OTX2: variants seen among roughly 807,000 people sequenced by gnomAD.
OTX2 encodes the protein homeobox protein OTX2.
OTX2 carries 4 observed loss-of-function variants against 29.0 expected under a neutral mutation model. That is an observed-to-expected ratio of 0.14 (90% CI 0.07 to 0.32). The LOEUF (loss-of-function observed/expected upper bound fraction) is 0.32, where lower values mean the gene tolerates loss of function less well. Among genes scored for constraint, OTX2 ranks in the 10% least tolerant of loss-of-function variants. The probability of loss-of-function intolerance (pLI) is 1.00; values close to 1 mark genes in which losing one functional copy is unlikely to be tolerated. For synonymous variants in OTX2, 134 were observed against 141.0 expected (o/e 0.95, Z 0.35); for missense variants, 298 against 365.9 (o/e 0.81, Z 1.51).
chr14:56,804,297 C>A lies in OTX2; in HGVS notation c.164G>T (p.Arg55Leu). Residue 55 changes from arginine to leucine, a missense_variant, in exon 4 of 5, where the codon CGG becomes CTG. Physicochemically the swap from Arg to Leu is moderately radical, Grantham distance 102. Coordinates refer to ENST00000672264, the MANE Select transcript of OTX2 (RefSeq NM_021728.4). This position sits in a 1 kb window ranked among gnomAD's most constrained non-coding sequence, Gnocchi z 4.1. ...KQRRERTTFT[R>L]AQLDVLEALF... is the part of the protein sequence containing the mutation. ...TGCTTCCAGCACATCTAGCTGCGCCCGAGTGAACGTCGTCCTCTCCCGGCG... is the reference window on the plus strand; with the variant it reads ...TGCTTCCAGCACATCTAGCTGCGCCAGAGTGAACGTCGTCCTCTCCCGGCG... 1 of 1,614,148 alleles carries A rather than the reference C, an allele frequency of 6.2e-7. No homozygotes were observed. The highest frequency in any genetic ancestry group is 8.5e-7 in the Non-Finnish European group (1 of 1,180,040).
At position 56,800,523 on chromosome 14, in the gene OTX2, TC is replaced by T. The variant is rs1318620147; in HGVS notation, c.*1211del. ...AATTTCAGAGCAATCCTGATGAAAG[TC>T]ACAAAAAGTCTACCTACCACTGTCA... is the stretch of plus-strand genomic sequence containing the variant. On this transcript the variant is annotated 3_prime_UTR_variant, in exon 5 of 5. Transcript: ENST00000672264. 2 of 152,064 alleles carry T rather than the reference TC, an allele frequency of 1.3e-5. No homozygotes were observed. Among genetic ancestry groups the T allele is most frequent in the African/African-American group, 4.8e-5 (2 of 41,400 alleles). The allele number at this position is 152,064 out of a possible 1,614,324, so 9.4% of individuals were successfully genotyped here.
intron 2 of OTX2, among the ~76,000 whole-genome samples, chr14:56,809,404 G>C (rs1021338479): frequency 6.6e-6 from 1 of 152,062 alleles, no homozygotes; most frequent in Non-Finnish European, 1.5e-5. Flanking sequence ...TTGGATTTTG[G>C]GGGGTGGTGG....
chr14:56,805,683 C>G (rs1431587189), intron 2 of OTX2, 108 bp from the exon 3 acceptor site: 3 of 542,136 alleles, frequency 5.5e-6, no homozygotes, highest in Non-Finnish European at 6.7e-6. Context: ...CTAGGCGAGG[C>G]AGAGGCTTTT....
At chr14:56,805,770 G>T in intron 2 of OTX2, 195 bp from the exon 3 acceptor site, 2 of 270,292 alleles carry the variant, frequency 7.4e-6, no homozygotes, top group Non-Finnish European at 1.3e-5. Flanking sequence ...GGGGATGGAA[G>T]GAGACCAGAT....
chr14:56,802,000 C>A lies in OTX2; in HGVS notation c.629G>T (p.Gly210Val). Reference sequence around the variant, plus strand: ...GTGATGCATAGGGGTCAAATATGATCCACAGTCCATGCCCCCAAAGTAGGA... The same window carrying A: ...GTGATGCATAGGGGTCAAATATGATACACAGTCCATGCCCCCAAAGTAGGA... ...STSYFGGMDCGSYLTPMHHQL... is the reference protein window; with the variant it reads ...STSYFGGMDCVSYLTPMHHQL... Residue 210 changes from glycine (G) to valine (V), a missense_variant, in exon 5 of 5, where the codon GGA becomes GTA. Around this residue, in one of 3 missense-constraint regions of OTX2, gnomAD observed 219 missense variants for 223.5 expected, o/e 0.98. Transcript: ENST00000672264. The surrounding 1 kb of genome is among the most constrained non-coding windows in gnomAD (Gnocchi z 4.2). The A allele has an allele frequency of 6.2e-7, 1 of 1,614,166 alleles. No homozygotes were observed. Among genetic ancestry groups the A allele is most frequent in the Non-Finnish European group, 8.5e-7 (1 of 1,180,038 alleles).
intron 2 of OTX2, among the ~76,000 whole-genome samples, chr14:56,807,863 C>G (rs1219531215): frequency 6.6e-6 from 1 of 152,206 alleles, no homozygotes; most frequent in East Asian, 1.9e-4. Context: ...GAGGTGGCCT[C>G]TGGAGAACTC....
Position 56,804,506 on chromosome 14 carries a change from G to T in OTX2, c.98-143C>A. 1 of 764,102 alleles carries T rather than the reference G, an allele frequency of 1.3e-6. No homozygotes were observed. Among genetic ancestry groups the T allele is most frequent in the Non-Finnish European group, 2.1e-6 (1 of 485,580 alleles). 47.3% of individuals were successfully genotyped at this position (764,102 alleles called of 1,614,324 possible). ...CAATGCTCTCCCCACCGTCTCCCCA[G>T]CCTTGCTCCCCGGGGACCCAGGACA... On this transcript the variant is annotated intron_variant, in intron 3 of 4. Coordinates refer to ENST00000672264, the MANE Select transcript of OTX2 (RefSeq NM_021728.4). The surrounding 1 kb of genome is among the most constrained non-coding windows in gnomAD (Gnocchi z 4.1).
At chr14:56,808,125 T>A (rs1220132731) in intron 2 of OTX2, among the ~76,000 whole-genome samples, 3 of 151,984 alleles carry the variant, frequency 2.0e-5, no homozygotes, top group Non-Finnish European at 4.4e-5. Context: ...TTGTTTTTTT[T>A]TTCTTCCAAG....
intron 2 of OTX2, among the ~76,000 whole-genome samples, chr14:56,807,014 G>A (rs912986153): frequency 2.0e-5 from 3 of 152,104 alleles, no homozygotes; most frequent in East Asian, 1.9e-4. Context: ...CGTTGCTTAA[G>A]ACAGCAAGGC....
chr14:56,805,338 G>GA (rs1594955754), intron 3 of OTX2, 22 bp downstream of exon 3: 1 of 1,513,140 alleles, frequency 6.6e-7, no homozygotes, highest in African/African-American at 1.4e-5. Flanking sequence ...AGGGGTGCGG[G>GA]AGTGCAGCAG....
Position 56,800,384 on chromosome 14 carries a change from A to C in OTX2, c.*1351T>G, listed in dbSNP as rs1297080574. 6.6e-6 allele frequency: 1 copy of C among 152,086 alleles called. No individual in the cohort carries two copies. Among genetic ancestry groups the C allele is most frequent in the African/African-American group, 2.4e-5 (1 of 41,414 alleles). The allele number at this position is 152,086 out of a possible 1,614,324, so 9.4% of individuals were successfully genotyped here. A position where few individuals can be genotyped will look rare whatever the true frequency, so the allele number is the denominator to read the frequency against. Reference sequence around the variant, plus strand: ...ACTCCAATTCTCCTCCTCCCTCTTAAAAACTTGATATATTTTAAAACATTC... The same window carrying C: ...ACTCCAATTCTCCTCCTCCCTCTTACAAACTTGATATATTTTAAAACATTC... On this transcript the variant is annotated 3_prime_UTR_variant, in exon 5 of 5. Transcript: ENST00000672264.
chr14:56,805,646 C>T (rs1892063482), intron 2 of OTX2, 71 bp from the exon 3 acceptor site: 2 of 615,266 alleles, frequency 3.3e-6, no homozygotes, highest in South Asian at 3.6e-5. Flanking sequence ...CTTCCACGTT[C>T]CAGCACTAAC....
At position 56,802,497 on chromosome 14, in the gene OTX2, T is replaced by C; in HGVS notation, c.274-142A>G. ...CTGCCACTGAAGACCTATTATGTGG[T>C]ACTCTCATATAAACTCCTGGACTTG... On this transcript the variant is annotated intron_variant, in intron 4 of 4. Coordinates refer to ENST00000672264, the MANE Select transcript of OTX2 (RefSeq NM_021728.4). The surrounding 1 kb of genome is among the most constrained non-coding windows in gnomAD (Gnocchi z 4.4). 1.1e-6 allele frequency: 1 copy of C among 926,138 alleles called. No homozygotes were observed. The highest frequency in any genetic ancestry group is 1.7e-6 in the Non-Finnish European group (1 of 574,032). The allele number at this position is 926,138 out of a possible 1,614,324, so 57.4% of individuals were successfully genotyped here. A position where few individuals can be genotyped will look rare whatever the true frequency, so the allele number is the denominator to read the frequency against.
intron 4 of OTX2, among the ~76,000 whole-genome samples, chr14:56,803,384 G>A (rs984009717): frequency 3.9e-5 from 6 of 152,222 alleles, no homozygotes; most frequent in African/African-American, 1.2e-4. Context: ...CCTTGCAAGT[G>A]CTAAAACTTC....
rs1891863253 is a variant in OTX2, at chr14:56,801,229, T to A, written c.*506A>T. On this transcript the variant is annotated 3_prime_UTR_variant, in exon 5 of 5. Coordinates refer to ENST00000672264, the MANE Select transcript of OTX2 (RefSeq NM_021728.4). The surrounding 1 kb of genome is among the most constrained non-coding windows in gnomAD (Gnocchi z 4.2). ...GAACATTATTTTTTAAATAAAGTAG[T>A]GCATCTAGGACAATCAGTCACACAA... 1 of 187,668 alleles carries A rather than the reference T, an allele frequency of 5.3e-6. No individual in the cohort carries two copies. Among genetic ancestry groups the A allele is most frequent in the Non-Finnish European group, 1.1e-5 (1 of 88,342 alleles). 11.6% of individuals were successfully genotyped at this position (187,668 alleles called of 1,614,324 possible).
chr14:56,810,275 A>C (rs969095176), intron 1 of OTX2, 53 bp from the exon 2 acceptor site: 1 of 152,248 alleles, frequency 6.6e-6, no homozygotes, highest in Non-Finnish European at 1.5e-5. Flanking sequence ...TCACCCTTCC[A>C]TGAAAAGTCA....
chr14:56,804,093 C>T lies in OTX2; in HGVS notation c.273+95G>A. The T allele has an allele frequency of 7.1e-7, 1 of 1,416,476 alleles. No individual in the cohort carries two copies. The highest frequency in any genetic ancestry group is 1.0e-6 in the Non-Finnish European group (1 of 1,001,908). 87.7% of individuals were successfully genotyped at this position (1,416,476 alleles called of 1,614,324 possible). ...GAGTGAAGGAGAATTTCAAGCCTTC[C>T]TTCAGTCCTCTGAAAGACCTGGGGC... On this transcript the variant is annotated intron_variant, in intron 4 of 4. Coordinates refer to ENST00000672264, the MANE Select transcript of OTX2 (RefSeq NM_021728.4). This position sits in a 1 kb window ranked among gnomAD's most constrained non-coding sequence, Gnocchi z 4.1.
At chr14:56,808,612 G>A (rs1173279590) in intron 2 of OTX2, among the ~76,000 whole-genome samples, 1 of 152,160 alleles carries the variant, frequency 6.6e-6, no homozygotes, top group African/African-American at 2.4e-5. Context: ...GGGGGGAGGA[G>A]TTCCCTCTCC....
At position 56,802,245 on chromosome 14, in the gene OTX2, T is replaced by A; in HGVS notation, c.384A>T (p.Glu128Asp). The change falls in exon 5 of 5, where the codon GAA becomes GAT. Residue 128 changes from glutamate to aspartate, a missense_variant. Physicochemically the swap from Glu to Asp is conservative, Grantham distance 45 (BLOSUM62 2). Coordinates refer to ENST00000672264, the MANE Select transcript of OTX2 (RefSeq NM_021728.4). The surrounding 1 kb of genome is among the most constrained non-coding windows in gnomAD (Gnocchi z 4.4). ...PAKKKTSPAR[E>D]VSSESGTSGQ... ...CACTTGTTCCACTCTCTGAACTCAC[T>A]TCCCGAGCTGGAGATGTCTTCTTTT... is the stretch of plus-strand genomic sequence containing the variant. 1 of 1,614,216 alleles carries A rather than the reference T, an allele frequency of 6.2e-7. No homozygotes were observed. Among genetic ancestry groups the A allele is most frequent in the Non-Finnish European group, 8.5e-7 (1 of 1,180,034 alleles).
Sources: allele counts gnomAD v4.1 joint callset (sites outside exome capture counted in the v4.1 genomes callset), GRCh38; gene constraint gnomAD v4.1.1; regional missense constraint gnomAD v4.1.1; non-coding constraint Gnocchi (gnomAD v3.1); transcripts MANE v1.5; gene names NCBI Gene and HGNC (gene_info 2026-07-23, HGNC 2026-07-21).